The following GATB variants were observed in gnomAD, a reference collection of about 807,000 sequenced individuals.
GATB encodes the protein glutamyl-tRNA(Gln) amidotransferase subunit B, mitochondrial.
A neutral mutation model predicts 62.3 loss-of-function variants in GATB; 39 were observed. The observed-to-expected ratio is 0.63, with a 90% CI of 0.48 to 0.82. GATB has a LOEUF of 0.82. Among genes scored for constraint, GATB ranks in the 40% least tolerant of loss-of-function variants. The pLI, the probability that GATB is intolerant of heterozygous loss-of-function variation, is 0.00. For missense variants in GATB, 670 were observed against 684.0 expected (o/e 0.98, Z 0.23); for synonymous variants, 276 against 258.9 (o/e 1.07, Z -0.63).
intron 2 of GATB, among the ~76,000 whole-genome samples, chr4:151,741,918 A>C (rs942400940): frequency 2.0e-5 from 3 of 152,198 alleles, no homozygotes; most frequent in African/African-American, 4.8e-5. Flanking sequence ...GAGAGAGTGC[A>C]TCCTTGCACA....
intron 2 of GATB, among the ~76,000 whole-genome samples, chr4:151,724,763 C>G (rs185217955): frequency 6.6e-6 from 1 of 152,158 alleles, no homozygotes; most frequent in Admixed American, 6.5e-5. Context: ...CATTTAGCTC[C>G]CCTGGCACTT....
At chr4:151,740,470 A>G (rs1311441694) in intron 2 of GATB, among the ~76,000 whole-genome samples, 1 of 152,226 alleles carries the variant, frequency 6.6e-6, no homozygotes, top group African/African-American at 2.4e-5. Flanking sequence ...GTATCTAAAC[A>G]TATTGTCATG....
chr4:151,706,436 G>A (rs953362480), intron 6 of GATB, among the ~76,000 whole-genome samples: 8 of 152,194 alleles, frequency 5.3e-5, no homozygotes, highest in Non-Finnish European at 1.2e-4. Context: ...CCTACAGGGG[G>A]AGGTGGAACT....
intron 2 of GATB, among the ~76,000 whole-genome samples, chr4:151,743,059 T>C (rs906839947): frequency 6.6e-6 from 1 of 152,128 alleles, no homozygotes; most frequent in Non-Finnish European, 1.5e-5. Flanking sequence ...AAAACCTCAA[T>C]GGATATGTAA....
chr4:151,740,835 T>C (rs1739470611), intron 2 of GATB, among the ~76,000 whole-genome samples: 1 of 152,200 alleles, frequency 6.6e-6, no homozygotes, highest in East Asian at 1.9e-4. Flanking sequence ...TATAGGCTTC[T>C]AGTATAAATC....
chr4:151,695,205 T>A (rs1164728463), intron 9 of GATB, among the ~76,000 whole-genome samples: 3 of 152,184 alleles, frequency 2.0e-5, no homozygotes, highest in African/African-American at 7.2e-5. Context: ...AACACTCTTC[T>A]CCCTGGCGAC....
intron 2 of GATB, chr4:151,721,967 G>A (rs1739040741): frequency 3.6e-6 from 2 of 559,868 alleles, no homozygotes; most frequent in East Asian, 3.0e-5. Flanking sequence ...CTGAGAATAT[G>A]CTTTAATCTT....
Position 151,710,303 on chromosome 4 carries a change from C to T in GATB, c.764-2202G>A, listed in dbSNP as rs542138111. Among the ~76,000 whole-genome samples the T allele has an allele frequency of 3.8e-4, 58 of 152,158 alleles. 2 individuals carry two copies. The highest frequency in any genetic ancestry group is 7.2e-4 in the Admixed American group (11 of 15,276). ...CCAGTCATTACTCTTTCTCAGCATT[C>T]CATCTGACGTATACATATGCAATAG... On this transcript the variant is annotated intron_variant, in intron 5 of 12. Transcript: ENST00000263985.
At chr4:151,673,736 CTT>C (rs1404024881) in intron 11 of GATB, 5 of 152,194 alleles carry the variant, frequency 3.3e-5, no homozygotes, top group African/African-American at 1.2e-4. Flanking sequence ...CCTCATTTCT[CTT>C]GTCTTCTAGC....
chr4:151,755,310 A>G (rs74947538), intron 2 of GATB, among the ~76,000 whole-genome samples: 269 of 152,342 alleles, frequency 1.8e-3, no homozygotes, highest in African/African-American at 6.2e-3. Context: ...AAAGTCTATT[A>G]TAAACATTAT....
intron 2 of GATB, among the ~76,000 whole-genome samples, chr4:151,732,144 G>A (rs1739279612): frequency 6.9e-6 from 1 of 145,694 alleles, no homozygotes; most frequent in East Asian, 2.4e-4. Context: ...CCAGGAGGTG[G>A]GGGGCGCCTC....
chr4:151,748,200 T>A (rs1486952986), intron 2 of GATB, among the ~76,000 whole-genome samples: 2 of 152,108 alleles, frequency 1.3e-5, no homozygotes, highest in African/African-American at 4.8e-5. Flanking sequence ...GAGCCCGCAT[T>A]GCCAAGTCAA....
At chr4:151,676,795 C>T (rs1738016404) in intron 11 of GATB, among the ~76,000 whole-genome samples, 1 of 152,198 alleles carries the variant, frequency 6.6e-6, no homozygotes, top group Non-Finnish European at 1.5e-5. Context: ...GCAGCAACCT[C>T]TTAACTCCCC....
Position 151,716,085 on chromosome 4 carries a change from T to C in GATB, c.687A>G (p.Gly229=). 1 of 1,613,744 alleles carries C rather than the reference T, an allele frequency of 6.2e-7. No individual in the cohort carries two copies. The highest frequency in any genetic ancestry group is 1.1e-5 in the South Asian group (1 of 90,994). The change falls in exon 5 of 13, where the codon GGA becomes GGG. Residue 229 remains glycine, a synonymous_variant. Transcript: ENST00000263985. ...CCCTGACAGCTGTTGCCGCCTCTTC[T>C]CCACAGGACATGTCGGGCTCCAGGA... The part of the protein sequence containing the change: ...EVVLEPDMSC[G]EEAATAVREL...
chr4:151,758,019 C>T (rs2127002302), intron 2 of GATB, among the ~76,000 whole-genome samples: 1 of 152,160 alleles, frequency 6.6e-6, no homozygotes, highest in African/African-American at 2.4e-5. Context: ...AAATATATGC[C>T]AAAAGTCTTG....
intron 10 of GATB, among the ~76,000 whole-genome samples, chr4:151,685,772 G>A (rs1384572412): frequency 6.6e-6 from 1 of 152,242 alleles, no homozygotes; most frequent in Non-Finnish European, 1.5e-5. Flanking sequence ...AGACCAAGAG[G>A]CGCGGTGGCT....
chr4:151,697,155 A>G (rs1420323019), intron 9 of GATB, among the ~76,000 whole-genome samples: 1 of 152,174 alleles, frequency 6.6e-6, no homozygotes, highest in Non-Finnish European at 1.5e-5. Context: ...AAAATAAATC[A>G]TCATTTAAAA....
At chr4:151,672,513 T>TAC in intron 12 of GATB, 1 of 453,488 alleles carries the variant, frequency 2.2e-6, no homozygotes, top group Middle Eastern at 5.9e-4. Context: ...CCTTTTAAAC[T>TAC]ACACCTCCAT....
chr4:151,684,135 C>T (rs754118372), intron 10 of GATB, among the ~76,000 whole-genome samples: 2 of 152,314 alleles, frequency 1.3e-5, no homozygotes, highest in South Asian at 2.1e-4. Context: ...ACATCTTCCT[C>T]TCACCTCCAG....
Sources: gnomAD v4.1 joint callset for allele counts (sites outside exome capture counted in the v4.1 genomes callset) on GRCh38, gnomAD v4.1.1 for gene constraint, MANE v1.5 for transcripts, NCBI Gene and HGNC (gene_info 2026-07-23, HGNC 2026-07-21) for gene names.